Variants in FAT3 observed in about 807,000 individuals in gnomAD.
The protein encoded by FAT3 is FAT atypical cadherin 3.
A neutral mutation model predicts 310.2 loss-of-function variants in FAT3; 95 were observed. The observed-to-expected ratio is 0.31, with a 90% confidence interval of 0.26 to 0.36. The LOEUF (loss-of-function observed/expected upper bound fraction) is 0.36, where lower values mean the gene tolerates loss of function less well. Ranked by LOEUF, FAT3 falls within the 10% of genes least tolerant of loss-of-function variation. The probability of loss-of-function intolerance (pLI) is 1.00; values close to 1 mark genes in which losing one functional copy is unlikely to be tolerated. For missense variants in FAT3, 5,408 were observed against 5,715.6 expected (o/e 0.95, Z 1.74); for synonymous variants, 2,314 against 2,192.9 (o/e 1.06, Z -1.54).
chr11:92,664,163 C>G (rs902717359), intron 3 of FAT3, among the ~76,000 whole-genome samples: 1 of 152,184 alleles, frequency 6.6e-6, no homozygotes, highest in African/African-American at 2.4e-5. Context: ...TACTCACCCT[C>G]AGAAATCCAA....
chr11:92,412,720 T>TACAC lies in FAT3; in HGVS notation c.3292+57317_3292+57318insCACA, dbSNP rs71064705. On this transcript the variant is annotated intron_variant, in intron 2 of 27. Transcript: ENST00000525166. Reference sequence around the variant, plus strand: ...TGGTGGTGATATATATATATATATATATATATATATATATATATATATATA... The same window carrying TACAC: ...TGGTGGTGATATATATATATATATATACACATATATATATATATATATATATATA... Among the ~76,000 whole-genome samples the TACAC allele has an allele frequency of 1.4e-3, 26 of 18,690 alleles. 1 individual carries two copies. The highest frequency in any genetic ancestry group is 0.011 in the South Asian group (5 of 462). The allele number at this position is 18,690 out of a possible 152,430, so 12.3% of individuals were successfully genotyped here.
In FAT3 at chr11:92,840,267, G is replaced by A. The variant is rs756770988; in HGVS notation, c.10369-295G>A. Among the ~76,000 whole-genome samples, 6 of 152,154 alleles carry A rather than the reference G, an allele frequency of 3.9e-5. No individual in the cohort carries two copies. The South Asian group carries it at 6.2e-4, about 16-fold the overall frequency. On this transcript the variant is annotated intron_variant, in intron 17 of 27. Coordinates refer to ENST00000525166, the MANE Select transcript of FAT3 (RefSeq NM_001367949.2). ...ACAAGGTGCACCCAGCACCATGCTC[G>A]GAACCTGTAAACCCAGGCAGCTCCA...
intron 3 of FAT3, among the ~76,000 whole-genome samples, chr11:92,535,713 T>G (rs1954234250): frequency 6.6e-6 from 1 of 152,162 alleles, no homozygotes; most frequent in South Asian, 2.1e-4. Context: ...AGGGTAGAAG[T>G]TGGATGAGAG....
At chr11:92,307,932 T>TA (rs1456670698) in intron 1 of FAT3, among the ~76,000 whole-genome samples, 1 of 152,214 alleles carries the variant, frequency 6.6e-6, no homozygotes, top group East Asian at 1.9e-4. Flanking sequence ...TTATTGAGCT[T>TA]ATTCTTATGG....
chr11:92,798,503 A>G lies in FAT3; in HGVS notation c.5490A>G (p.Thr1830=), dbSNP rs751162135. 6.8e-6 allele frequency: 11 copies of G among 1,613,830 alleles called. 1 individual carries two copies. Among genetic ancestry groups the G allele is most frequent in the East Asian group, 4.5e-5 (2 of 44,824 alleles). ...AGTTTTTCACGGTGGACTCCAGTAC[A>G]GGTGCAATCAGAACAATTGCCAACC... is the stretch of plus-strand genomic sequence containing the variant. ...AKKFFTVDSS[T]GAIRTIANLD... Residue 1830 remains threonine (T), a synonymous_variant, in exon 10 of 28, where the codon ACA becomes ACG. Coordinates refer to ENST00000525166, the MANE Select transcript of FAT3 (RefSeq NM_001367949.2).
chr11:92,521,702 C>A (rs945051609), intron 2 of FAT3, among the ~76,000 whole-genome samples: 2 of 152,128 alleles, frequency 1.3e-5, no homozygotes, highest in African/African-American at 4.8e-5. Flanking sequence ...GGTTCTTCTA[C>A]ATTTAGCTGT....
intron 7 of FAT3, among the ~76,000 whole-genome samples, chr11:92,781,101 G>A (rs1946740540): frequency 8.0e-6 from 1 of 124,336 alleles, no homozygotes; most frequent in African/African-American, 3.1e-5. Flanking sequence ...TTGAGACAGA[G>A]TCTCACTCTG....
Position 92,844,344 on chromosome 11 carries a change from G to A in FAT3, c.10977G>A (p.Glu3659=). The A allele has an allele frequency of 6.2e-7, 1 of 1,613,964 alleles. No individual in the cohort carries two copies. The highest frequency in any genetic ancestry group is 8.5e-7 in the Non-Finnish European group (1 of 1,179,900). ...VTIRFENVSP[E]DFVGLHMHGF... ...TCCGCTTTGAAAATGTGTCCCCTGA[G>A]GACTTCGTGGGGCTGCACATGCATG... Residue 3659 remains glutamate, a synonymous_variant, in exon 19 of 28, where the codon GAG becomes GAA. Coordinates refer to ENST00000525166, the MANE Select transcript of FAT3 (RefSeq NM_001367949.2).
intron 2 of FAT3, among the ~76,000 whole-genome samples, chr11:92,485,669 T>C (rs1167083810): frequency 6.6e-6 from 1 of 152,124 alleles, no homozygotes; most frequent in Non-Finnish European, 1.5e-5. Flanking sequence ...CACAAACAAA[T>C]ACAGTTACAA....
chr11:92,491,651 G>A lies in FAT3; in HGVS notation c.3293-32983G>A, dbSNP rs112978145. ...GCATTTCTGGGAGGAGCAGTAGGGG[G>A]ATGACATTAGAGCAATGTGTTGAGT... is the stretch of plus-strand genomic sequence containing the variant. On this transcript the variant is annotated intron_variant, in intron 2 of 27. Transcript: ENST00000525166. 4.3e-3 allele frequency among the ~76,000 whole-genome samples: 652 copies of A among 152,198 alleles called. 4 individuals are homozygous for A. Among genetic ancestry groups the A allele is most frequent in the African/African-American group, 0.015 (615 of 41,548 alleles).
chr11:92,599,430 G>A (rs1939895834), intron 3 of FAT3, among the ~76,000 whole-genome samples: 1 of 152,058 alleles, frequency 6.6e-6, no homozygotes, highest in African/African-American at 2.4e-5. Flanking sequence ...CTCCTACTAG[G>A]TTCCTCCCAC....
At chr11:92,315,297 G>T (rs1274591559) in intron 1 of FAT3, among the ~76,000 whole-genome samples, 1 of 149,090 alleles carries the variant, frequency 6.7e-6, no homozygotes, top group African/African-American at 2.5e-5. Context: ...ATGGTTATTT[G>T]TTGAGAGACA....
At chr11:92,335,953 T>G (rs1380469260) in intron 1 of FAT3, 1 of 377,374 alleles carries the variant, frequency 2.6e-6, no homozygotes, top group African/African-American at 2.1e-5. Flanking sequence ...TTTTCAGACT[T>G]TCAGCCCCTT....
chr11:92,380,072 C>CGTGTGTGT (rs34789717), intron 2 of FAT3, among the ~76,000 whole-genome samples: 1,583 of 145,258 alleles, frequency 0.011, 16 homozygotes, highest in East Asian at 0.04. Context: ...CAAACTGATT[C>CGTGTGTGT]GTGTGTGTGT....
intron 2 of FAT3, among the ~76,000 whole-genome samples, chr11:92,469,781 C>T (rs1035835244): frequency 6.6e-6 from 1 of 151,990 alleles, no homozygotes; most frequent in Non-Finnish European, 1.5e-5. Flanking sequence ...TCCCAAAGTG[C>T]TGGGATTACA....
chr11:92,513,264 C>T (rs1371972199), intron 2 of FAT3, among the ~76,000 whole-genome samples: 1 of 152,038 alleles, frequency 6.6e-6, no homozygotes, highest in Non-Finnish European at 1.5e-5. Flanking sequence ...TGGAGTGACC[C>T]TGGTTGGGCC....
intron 3 of FAT3, among the ~76,000 whole-genome samples, chr11:92,637,280 C>T (rs528814453): frequency 1.2e-4 from 19 of 152,298 alleles, no homozygotes; most frequent in Non-Finnish European, 1.5e-4. Flanking sequence ...CTTGCATACT[C>T]TTTCTTCTCA....
intron 22 of FAT3, among the ~76,000 whole-genome samples, chr11:92,867,422 C>A (rs1949277905): frequency 6.6e-6 from 1 of 152,322 alleles, no homozygotes; most frequent in Admixed American, 6.5e-5. Context: ...TGCAGCTTCC[C>A]ATAGGTGCAG....
At chr11:92,243,305 C>T (rs1233515737) in intron 1 of FAT3, among the ~76,000 whole-genome samples, 1 of 152,000 alleles carries the variant, frequency 6.6e-6, no homozygotes, top group Non-Finnish European at 1.5e-5. Context: ...TTTGTCTCTG[C>T]TGTCATTGTT....
Sources: allele counts gnomAD v4.1 joint callset (sites outside exome capture counted in the v4.1 genomes callset), GRCh38; gene constraint gnomAD v4.1.1; transcripts MANE v1.5; gene names NCBI Gene and HGNC (gene_info 2026-07-23, HGNC 2026-07-21).